Variants in PTPRB observed in about 807,000 individuals in gnomAD.
PTPRB encodes protein tyrosine phosphatase receptor type B, also known as receptor-type tyrosine-protein phosphatase beta.
Under a neutral mutation model 238.1 loss-of-function variants are expected in PTPRB, and 97 were observed. The observed-to-expected ratio is 0.41, with a 90% confidence interval of 0.35 to 0.48. The LOEUF is 0.48. Ranked by LOEUF, PTPRB falls within the 20% of genes least tolerant of loss-of-function variation. PTPRB has a pLI of 0.30. For missense variants in PTPRB, 2,292 were observed against 2,681.9 expected (o/e 0.85, Z 3.21); for synonymous variants, 970 against 995.4 (o/e 0.97, Z 0.48).
intron 31 of PTPRB, among the ~76,000 whole-genome samples, chr12:70,532,688 C>A (rs1277812140): frequency 6.6e-6 from 1 of 151,988 alleles, no homozygotes; most frequent in Non-Finnish European, 1.5e-5. Flanking sequence ...GTTGCCCAGG[C>A]TGGAGTGCAG....
At chr12:70,531,103 G>T (rs4761218) in intron 32 of PTPRB, among the ~76,000 whole-genome samples, 23,877 of 152,114 alleles carry the variant, frequency 0.16, 2,204 homozygotes, top group Non-Finnish European at 0.22. Flanking sequence ...TTGAATGCAG[G>T]ATATTAATAT....
chr12:70,637,271 T>C, intron 1 of PTPRB, 70 bp downstream of exon 1: 3 of 1,426,734 alleles, frequency 2.1e-6, no homozygotes, highest in Non-Finnish European at 2.9e-6. Context: ...TTTCAGACAC[T>C]TCAAAGACCA....
chr12:70,565,421 T>C (rs1879161261), intron 15 of PTPRB, among the ~76,000 whole-genome samples: 1 of 152,196 alleles, frequency 6.6e-6, no homozygotes, highest in Admixed American at 6.5e-5. Context: ...ACAGACTGTC[T>C]GTACAAAGTA....
intron 18 of PTPRB, chr12:70,559,029 G>T (rs961904805): frequency 4.0e-5 from 19 of 478,140 alleles, no homozygotes; most frequent in Non-Finnish European, 4.4e-5. Flanking sequence ...AAGTTCTCTT[G>T]TATTGGGTCA....
At chr12:70,622,681 C>G in intron 2 of PTPRB, 35 bp from the exon 3 acceptor site, 1 of 1,510,980 alleles carries the variant, frequency 6.6e-7, no homozygotes, top group Non-Finnish European at 8.9e-7. Context: ...AAAGATTATT[C>G]TCATGTTTTA....
In PTPRB at chr12:70,538,206, G is replaced by T; in HGVS notation, c.5895C>A (p.Ser1965=). The T allele has an allele frequency of 6.2e-7, 1 of 1,613,658 alleles. No individual in the cohort carries two copies. Among genetic ancestry groups the T allele is most frequent in the Non-Finnish European group, 8.5e-7 (1 of 1,179,766 alleles). ...CAGAGCAAGGATCATCATCTACATT[G>T]GAGAGCTTCACTCGCGTGGCATCAT... ...LPYDATRVKL[S]NVDDDPCSDY... is the part of the protein sequence containing the mutation. The change falls in exon 28 of 34, where the codon TCC becomes TCA. Residue 1965 remains serine (S), a synonymous_variant. Transcript: ENST00000334414.
Position 70,520,563 on chromosome 12 carries a change from A to G in PTPRB, c.*926T>C, listed in dbSNP as rs1315051906. On this transcript the variant is annotated 3_prime_UTR_variant, in exon 34 of 34. Transcript: ENST00000334414. ...AATCAAGTAGGAATGGATAATTGTG[A>G]CTTTTCTAGGAATGGAGACCACTGA... 1 of 201,190 alleles carries G rather than the reference A, an allele frequency of 5.0e-6. No homozygotes were observed. Among genetic ancestry groups the G allele is most frequent in the Non-Finnish European group, 1.0e-5 (1 of 98,264 alleles). 12.5% of individuals were successfully genotyped at this position (201,190 alleles called of 1,614,324 possible).
chr12:70,622,845 T>G (rs1885006047), intron 2 of PTPRB, among the ~76,000 whole-genome samples, 199 bp from the exon 3 acceptor site: 1 of 151,928 alleles, frequency 6.6e-6, no homozygotes, highest in African/African-American at 2.4e-5. Flanking sequence ...CCTTTATCTA[T>G]CTATCAATTT....
At chr12:70,540,190 A>G (rs1874840828) in intron 23 of PTPRB, 168 bp from the exon 24 acceptor site, 2 of 581,406 alleles carry the variant, frequency 3.4e-6, no homozygotes, top group South Asian at 5.3e-5. Flanking sequence ...AAGAGAATAA[A>G]GTAGATCATT....
rs906142386 is a variant in PTPRB at position 70,534,622 on chromosome 12, G to A, written c.6234C>T (p.Ile2078=). 4.3e-6 allele frequency: 7 copies of A among 1,612,604 alleles called. No homozygotes were observed. The highest frequency in any genetic ancestry group is 5.1e-6 in the Non-Finnish European group (6 of 1,179,412). ...GEEQLDAHRL[I]RHFHYTVWPD... ...GCCACACCGTATAGTGAAAGTGGCG[G>A]ATGAGTCTGTGTGCATCAAGCTGTT... Residue 2078 remains isoleucine (I), a synonymous_variant, in exon 31 of 34, where the codon ATC becomes ATT. Coordinates refer to ENST00000334414, the MANE Select transcript of PTPRB (RefSeq NM_001109754.4).
rs1201657173 is a variant in PTPRB, at chr12:70,590,118, A to G, written c.1896T>C (p.Asn632=). The G allele has an allele frequency of 2.5e-6, 4 of 1,613,806 alleles. No homozygotes were observed. The highest frequency in any genetic ancestry group is 1.7e-5 in the Admixed American group (1 of 60,002). Residue 632 remains asparagine, a synonymous_variant, in exon 8 of 34, where the codon AAT becomes AAC. Coordinates refer to ENST00000334414, the MANE Select transcript of PTPRB (RefSeq NM_001109754.4). Reference sequence around the variant, plus strand: ...TGATGTTGAGCAGCACCACAGAATCATTGAAGAGTAGGATCCGATACTGCT... The same window carrying G: ...TGATGTTGAGCAGCACCACAGAATCGTTGAAGAGTAGGATCCGATACTGCT... ...DWEQYRILLF[N]DSVVLLNITV... is the part of the protein sequence containing the mutation.
rs77529387 is a variant in PTPRB at position 70,610,730 on chromosome 12, C to T, written c.709-1391G>A. 5.3e-3 allele frequency among the ~76,000 whole-genome samples: 805 copies of T among 152,168 alleles called. 8 individuals are homozygous for T. Among genetic ancestry groups the T allele is most frequent in the African/African-American group, 0.018 (763 of 41,486 alleles). ...CTAAATCTTATGTAAATAGCGCTAA[C>T]GACAAATATAATCACTACCAAGTGT... On this transcript the variant is annotated intron_variant, in intron 3 of 33. Transcript: ENST00000334414.
At position 70,581,073 on chromosome 12, in the gene PTPRB, C is replaced by T; in HGVS notation, c.2541G>A (p.Gly847=). The T allele has an allele frequency of 6.2e-7, 1 of 1,614,014 alleles. No homozygotes were observed. The highest frequency in any genetic ancestry group is 8.5e-7 in the Non-Finnish European group (1 of 1,179,900). The change falls in exon 10 of 34, where the codon GGG becomes GGA. Residue 847 remains glycine (G), a synonymous_variant. Transcript: ENST00000334414. ...CCACAACCACTTGTCGGGAAGAGATCCCTCCACTCACTGTTGTTACCACCA... is the reference window on the plus strand; with the variant it reads ...CCACAACCACTTGTCGGGAAGAGATTCCTCCACTCACTGTTGTTACCACCA... ...YSVVVTTVSG[G]ISSRQVVVEG...
At position 70,521,411 on chromosome 12, in the gene PTPRB, C is replaced by T; in HGVS notation, c.*78G>A. The stretch of plus-strand genomic sequence containing the variant: ...GTATCAACAGAAATAGCTGGCACCT[C>T]TGTAGGGCATGAAGCAAGTTTTTAA... On this transcript the variant is annotated 3_prime_UTR_variant, in exon 34 of 34. Transcript: ENST00000334414. The T allele has an allele frequency of 8.3e-7, 1 of 1,208,124 alleles. No homozygotes were observed. The highest frequency in any genetic ancestry group is 1.1e-6 in the Non-Finnish European group (1 of 876,944). 74.8% of individuals were successfully genotyped at this position (1,208,124 alleles called of 1,614,324 possible).
chr12:70,587,919 G>A (rs867888785), intron 8 of PTPRB, among the ~76,000 whole-genome samples: 1 of 151,588 alleles, frequency 6.6e-6, no homozygotes, highest in Non-Finnish European at 1.5e-5. Context: ...TGGCCAATAT[G>A]GCAAAACTCC....
At chr12:70,636,149 C>T in intron 1 of PTPRB, 83 bp from the exon 2 acceptor site, 1 of 1,302,664 alleles carries the variant, frequency 7.7e-7, no homozygotes, top group African/African-American at 1.5e-5. Flanking sequence ...CACAAATGAG[C>T]TAAATAAAAT....
intron 7 of PTPRB, 46 bp from the exon 8 acceptor site, chr12:70,590,279 G>A (rs1352697109): frequency 6.7e-7 from 1 of 1,490,440 alleles, no homozygotes; most frequent in South Asian, 1.4e-5. Context: ...CAGACCAAAA[G>A]TAAGGATACT....
intron 9 of PTPRB, among the ~76,000 whole-genome samples, chr12:70,586,775 T>C (rs150882116): frequency 1.3e-3 from 200 of 152,362 alleles, no homozygotes; most frequent in East Asian, 3.9e-4. Context: ...TTGAAACGGT[T>C]GTTCTTTACT....
Position 70,566,675 on chromosome 12 carries a change from C to G in PTPRB, c.3664G>C (p.Asp1222His), listed in dbSNP as rs751969750. 1 of 1,613,968 alleles carries G rather than the reference C, an allele frequency of 6.2e-7. No individual in the cohort carries two copies. ...VPASVQGVIA[D>H]NAYSSYSLIV... is the part of the protein sequence containing the mutation. The stretch of plus-strand genomic sequence containing the variant: ...AAGGAATAACTGCTGTATGCATTGT[C>G]TGCAATTACTCCTTGGACAGATGCT... Residue 1222 changes from aspartate to histidine, a missense_variant, in exon 15 of 34, where the codon GAC becomes CAC. By Grantham distance (81) the Asp-to-His change is moderately conservative. Transcript: ENST00000334414.
Sources: allele counts gnomAD v4.1 joint callset (sites outside exome capture counted in the v4.1 genomes callset), GRCh38; gene constraint gnomAD v4.1.1; transcripts MANE v1.5; gene names NCBI Gene and HGNC (gene_info 2026-07-23, HGNC 2026-07-21).